Variants in SLC34A2 observed in about 807,000 individuals in gnomAD.
SLC34A2 encodes the protein solute carrier family 34 member 2.
In SLC34A2, 41 loss-of-function variants were observed where a neutral mutation model predicts 50.8. That is an observed-to-expected ratio of 0.81 (90% CI 0.63 to 1.05). The LOEUF (loss-of-function observed/expected upper bound fraction) is 1.05. SLC34A2 is among the 50% of genes least tolerant of loss of function. SLC34A2 has a pLI of 0.00. For synonymous variants in SLC34A2, 401 were observed against 364.2 expected, an observed-to-expected ratio of 1.10 and a Z score of -1.15; for missense variants, 879 against 876.7, an observed-to-expected ratio of 1.00 and a Z score of -0.03.
chr4:25,665,712 G>T (rs1387511370), intron 4 of SLC34A2, among the ~76,000 whole-genome samples: 1 of 152,142 alleles, frequency 6.6e-6, no homozygotes, highest in Admixed American at 6.5e-5. Flanking sequence ...AATCTGAATT[G>T]GGTATACACC....
intron 1 of SLC34A2, among the ~76,000 whole-genome samples, chr4:25,656,951 A>G (rs1713914359): frequency 6.6e-6 from 1 of 152,124 alleles, no homozygotes; most frequent in African/African-American, 2.4e-5. Context: ...GTATTCTTGG[A>G]AAACTGTGCT....
At chr4:25,670,864 G>A (rs762076508) in intron 8 of SLC34A2, 31 bp downstream of exon 8, 1 of 1,543,344 alleles carries the variant, frequency 6.5e-7, no homozygotes, top group South Asian at 1.1e-5. Flanking sequence ...CCGGGGCGGG[G>A]AGTGAACCTT....
Position 25,676,416 on chromosome 4 carries a change from A to G in SLC34A2, c.1740A>G (p.Pro580=), listed in dbSNP as rs768751204. The G allele has an allele frequency of 8.1e-6, 13 of 1,613,818 alleles. No homozygotes were observed. The Admixed American group carries it at 2.0e-4, about 25-fold the overall frequency. ...LCLRLLQSRC[P]RVLPKKLQNW... is the part of the protein sequence containing the mutation. ...TCCGACTCCTGCAGTCTCGCTGCCC[A>G]CGCGTCCTGCCGAAGAAACTCCAGA... The change falls in exon 13 of 13, where the codon CCA becomes CCG. Residue 580 remains proline (P), a synonymous_variant. Transcript: ENST00000382051.
intron 12 of SLC34A2, 51 bp from the exon 13 acceptor site, chr4:25,676,084 C>T: frequency 6.2e-7 from 1 of 1,609,136 alleles, no homozygotes; most frequent in Non-Finnish European, 8.5e-7. Flanking sequence ...TCCCTACTGC[C>T]ACCCGCATTG....
At chr4:25,660,946 A>G (rs1287840001) in intron 1 of SLC34A2, among the ~76,000 whole-genome samples, 1 of 152,226 alleles carries the variant, frequency 6.6e-6, no homozygotes, top group Admixed American at 6.5e-5. Flanking sequence ...GACAAGGACT[A>G]ATTGTCTAAT....
Position 25,666,161 on chromosome 4 carries a change from C to G in SLC34A2, c.413C>G (p.Ser138Cys). The G allele has an allele frequency of 6.2e-7, 1 of 1,613,956 alleles. No individual in the cohort carries two copies. Among genetic ancestry groups the G allele is most frequent in the Non-Finnish European group, 8.5e-7 (1 of 1,180,030 alleles). ...KMAGQFFSNS[S>C]IMSNPLLGLV... ...GCAGGACAGTTCTTCAGCAACAGCT[C>G]TATTATGTCCAACCCTTTGTTGGGG... The change falls in exon 5 of 13, where the codon TCT becomes TGT. Residue 138 changes from serine to cysteine, a missense_variant. Physicochemically the swap from Ser to Cys is moderately radical, Grantham distance 112 (BLOSUM62 -1). Coordinates refer to ENST00000382051, the MANE Select transcript of SLC34A2 (RefSeq NM_006424.3).
intron 4 of SLC34A2, 121 bp from the exon 5 acceptor site, chr4:25,666,007 G>A: frequency 8.1e-7 from 1 of 1,227,548 alleles, no homozygotes; most frequent in Non-Finnish European, 1.2e-6. Flanking sequence ...CAGCGATGGA[G>A]GCTGGACTCT....
Position 25,662,801 on chromosome 4 carries a change from G to A in SLC34A2, c.209G>A (p.Trp70Ter). Residue 70 changes from tryptophan (W) to a stop codon, truncating the protein, a stop_gained, in exon 3 of 13, where the codon TGG becomes TAG. Transcript: ENST00000382051. LOFTEE classifies it high-confidence loss of function. ...GAGCCCACTGAGGTGGATGACCCCTGGAACCTACCCACTCTTCAGGACTCG... is the reference window on the plus strand; with the variant it reads ...GAGCCCACTGAGGTGGATGACCCCTAGAACCTACCCACTCTTCAGGACTCG... ...IDEPTEVDDP[W>*]NLPTLQDSGI... 6.2e-7 allele frequency: 1 copy of A among 1,613,930 alleles called. No homozygotes were observed. The highest frequency in any genetic ancestry group is 8.5e-7 in the Non-Finnish European group (1 of 1,179,994).
chr4:25,662,796 C>G lies in SLC34A2; in HGVS notation c.204C>G (p.Asp68Glu). 4 of 1,614,038 alleles carry G rather than the reference C, an allele frequency of 2.5e-6. No homozygotes were observed. Among genetic ancestry groups the G allele is most frequent in the Non-Finnish European group, 3.4e-6 (4 of 1,180,020 alleles). Residue 68 changes from aspartate (D) to glutamate (E), a missense_variant, in exon 3 of 13, where the codon GAC (aspartate) becomes GAG (glutamate). By Grantham distance (45) the Asp-to-Glu change is conservative. Coordinates refer to ENST00000382051, the MANE Select transcript of SLC34A2 (RefSeq NM_006424.3). ...TLIDEPTEVD[D>E]PWNLPTLQDS... ...TAGATGAGCCCACTGAGGTGGATGACCCCTGGAACCTACCCACTCTTCAGG... is the reference window on the plus strand; with the variant it reads ...TAGATGAGCCCACTGAGGTGGATGAGCCCTGGAACCTACCCACTCTTCAGG...
In SLC34A2 at chr4:25,676,298, C is replaced by T. The variant is rs779781092; in HGVS notation, c.1622C>T (p.Pro541Leu). 1 of 1,614,178 alleles carries T rather than the reference C, an allele frequency of 6.2e-7. No individual in the cohort carries two copies. The highest frequency in any genetic ancestry group is 1.1e-5 in the South Asian group (1 of 91,076). ...CTGATCATCTTCTTCTTCCTGATCC[C>T]GCTGACGGTGTTTGGCCTCTCGCTG... ...FYLIIFFFLI[P>L]LTVFGLSLAG... The change falls in exon 13 of 13, where the codon CCG becomes CTG. Residue 541 changes from proline to leucine, a missense_variant. Transcript: ENST00000382051.
chr4:25,670,338 C>T (rs1714748129), intron 7 of SLC34A2, among the ~76,000 whole-genome samples: 1 of 152,210 alleles, frequency 6.6e-6, no homozygotes, highest in South Asian at 2.1e-4. Context: ...ACTTTGACTT[C>T]CATAACATGC....
chr4:25,678,706 T>A lies in SLC34A2; in HGVS notation c.*1957T>A. ...ATTGTAATTTTTTTTTTTTTTTTTT[T>A]ACTGGTTATGGGAAGGGAGAAATAA... On this transcript the variant is annotated 3_prime_UTR_variant, in exon 13 of 13. Transcript: ENST00000382051. 4.7e-6 allele frequency: 2 copies of A among 425,094 alleles called. No individual in the cohort carries two copies. The highest frequency in any genetic ancestry group is 3.6e-5 in the East Asian group (1 of 27,484). The allele number at this position is 425,094 out of a possible 1,614,324, so 26.3% of individuals were successfully genotyped here. A position where few individuals can be genotyped will look rare whatever the true frequency, so the allele number is the denominator to read the frequency against.
intron 3 of SLC34A2, 53 bp downstream of exon 3, chr4:25,662,895 G>C (rs909129602): frequency 1.2e-6 from 2 of 1,603,008 alleles, no homozygotes; most frequent in Non-Finnish European, 8.5e-7. Context: ...TGTGGTTCAC[G>C]GTGTCATCAT....
chr4:25,671,551 T>C, intron 8 of SLC34A2, 50 bp from the exon 9 acceptor site: 1 of 1,515,836 alleles, frequency 6.6e-7, no homozygotes, highest in Non-Finnish European at 9.1e-7. Flanking sequence ...TTGCCTCCCA[T>C]TCCCCACTAA....
Position 25,671,536 on chromosome 4 carries a change from C to T in SLC34A2, c.928-65C>T, listed in dbSNP as rs373803271. ...GTCTGCGCCTGTTCATTCCCACCCCCGCCATTGCCTCCCATTCCCCACTAA... is the reference window on the plus strand; with the variant it reads ...GTCTGCGCCTGTTCATTCCCACCCCTGCCATTGCCTCCCATTCCCCACTAA... On this transcript the variant is annotated intron_variant, in intron 8 of 12. Transcript: ENST00000382051. 1,039 of 1,611,088 alleles carry T rather than the reference C, an allele frequency of 6.4e-4. 22 individuals carry two copies. The South Asian group carries it at 9.7e-3, about 15-fold the overall frequency.
intron 10 of SLC34A2, 70 bp downstream of exon 10, chr4:25,673,324 TC>T: frequency 7.0e-7 from 1 of 1,424,598 alleles, no homozygotes; most frequent in Non-Finnish European, 9.9e-7. Flanking sequence ...TCCTTTAGAT[TC>T]CCATCTAGCA....
rs1279995565 is a variant in SLC34A2, at chr4:25,667,943, A to G, written c.587A>G (p.Asn196Ser). The G allele has an allele frequency of 6.2e-7, 1 of 1,613,910 alleles. No homozygotes were observed. Among genetic ancestry groups the G allele is most frequent in the African/African-American group, 1.3e-5 (1 of 74,914 alleles). The change falls in exon 6 of 13, where the codon AAC (asparagine) becomes AGC (serine). Residue 196 changes from asparagine (N) to serine (S), a missense_variant. Physicochemically the swap from Asn to Ser is conservative, Grantham distance 46 (BLOSUM62 1). Transcript: ENST00000382051. ...MGANIGTSIT[N>S]TIVALMQVGD... Reference sequence around the variant, plus strand: ...GCCAACATTGGAACGTCAATCACCAACACTATTGTTGCGCTCATGCAGGTG... The same window carrying G: ...GCCAACATTGGAACGTCAATCACCAGCACTATTGTTGCGCTCATGCAGGTG...
Position 25,670,793 on chromosome 4 carries a change from A to G in SLC34A2, c.887A>G (p.Lys296Arg), listed in dbSNP as rs1483366865. Residue 296 changes from lysine to arginine, a missense_variant, in exon 8 of 13, where the codon AAG (lysine) becomes AGG (arginine). Coordinates refer to ENST00000382051, the MANE Select transcript of SLC34A2 (RefSeq NM_006424.3). ...ATGAACGATGAAAAAGCGAAAAACA[A>G]GAGTCTTGTCAAGATTTGGTGCAAA... is the stretch of plus-strand genomic sequence containing the variant. ...IAMNDEKAKNKSLVKIWCKTF... is the reference protein window; with the variant it reads ...IAMNDEKAKNRSLVKIWCKTF... 1 of 1,614,152 alleles carries G rather than the reference A, an allele frequency of 6.2e-7. No individual in the cohort carries two copies. Among genetic ancestry groups the G allele is most frequent in the Non-Finnish European group, 8.5e-7 (1 of 1,179,944 alleles).
In SLC34A2 at chr4:25,668,010, G is replaced by A; in HGVS notation, c.635+19G>A. The A allele has an allele frequency of 1.3e-6, 2 of 1,494,240 alleles. No individual in the cohort carries two copies. Among genetic ancestry groups the A allele is most frequent in the Non-Finnish European group, 1.9e-6 (2 of 1,071,200 alleles). The allele number at this position is 1,494,240 out of a possible 1,614,324, so 92.6% of individuals were successfully genotyped here. On this transcript the variant is annotated intron_variant, in intron 6 of 12. Transcript: ENST00000382051. ...TCAGAAGGTAAGAGGCTCAAAACCA[G>A]CCTTTGCGACATCAGCTCTATTGTT...
Sources: gnomAD v4.1 joint callset for allele counts (sites outside exome capture counted in the v4.1 genomes callset) on GRCh38, gnomAD v4.1.1 for gene constraint, MANE v1.5 for transcripts, NCBI Gene and HGNC (gene_info 2026-07-23, HGNC 2026-07-21) for gene names.